Variants in PAK5 observed in about 807,000 individuals in gnomAD.
PAK5 encodes the protein p21 (RAC1) activated kinase 5, also known as serine/threonine-protein kinase PAK 5.
In PAK5, 16 loss-of-function variants were observed where a neutral mutation model predicts 65.9. The ratio of observed to expected loss-of-function variants is 0.24; its 90% CI spans 0.16 to 0.37. PAK5 has a LOEUF of 0.37. Among genes scored for constraint, PAK5 ranks in the 10% least tolerant of loss-of-function variants. The probability of loss-of-function intolerance (pLI) is 1.00; values close to 1 mark genes in which losing one functional copy is unlikely to be tolerated. For missense variants in PAK5, 785 were observed against 903.9 expected, an observed-to-expected ratio of 0.87 and a Z score of 1.69; for synonymous variants, 371 against 354.9, an observed-to-expected ratio of 1.05 and a Z score of -0.51.
intron 9 of PAK5, among the ~76,000 whole-genome samples, chr20:9,540,596 T>A (rs1217438784): frequency 6.6e-6 from 1 of 152,250 alleles, no homozygotes; most frequent in East Asian, 1.9e-4. Context: ...ATACCACACA[T>A]TATCCATTTG....
At position 9,576,816 on chromosome 20, in the gene PAK5, G is replaced by A. The variant is rs79120455; in HGVS notation, c.990+3329C>T. 3.4e-3 allele frequency among the ~76,000 whole-genome samples: 512 copies of A among 152,272 alleles called. 5 individuals are homozygous for A. Among genetic ancestry groups the A allele is most frequent in the African/African-American group, 0.011 (460 of 41,552 alleles). ...AACCCATTTCCTCATCTGTACAAAGGGGTCAAGAATTCTTGCCTTACAGAT... is the reference window on the plus strand; with the variant it reads ...AACCCATTTCCTCATCTGTACAAAGAGGTCAAGAATTCTTGCCTTACAGAT... On this transcript the variant is annotated intron_variant, in intron 4 of 9. Transcript: ENST00000353224.
At chr20:9,741,469 G>A (rs1226098940) in intron 1 of PAK5, among the ~76,000 whole-genome samples, 2 of 152,104 alleles carry the variant, frequency 1.3e-5, no homozygotes, top group Non-Finnish European at 2.9e-5. Flanking sequence ...TCGGAGGAAT[G>A]AGCTCAATAT....
At chr20:9,759,397 C>T (rs1052847382) in intron 1 of PAK5, among the ~76,000 whole-genome samples, 5 of 152,126 alleles carry the variant, frequency 3.3e-5, no homozygotes, top group Admixed American at 2.0e-4. Flanking sequence ...CAGATGATCA[C>T]GATCATCTTT....
intron 2 of PAK5, among the ~76,000 whole-genome samples, chr20:9,709,919 TTACATAATACAAG>T (rs1321170288): frequency 1.3e-5 from 2 of 152,150 alleles, no homozygotes; most frequent in East Asian, 3.9e-4. Flanking sequence ...TGCACAATGG[TTACATAATACAAG>T]ATGTGAAACC....
chr20:9,669,434 T>G (rs2047463796), intron 2 of PAK5, among the ~76,000 whole-genome samples: 1 of 152,178 alleles, frequency 6.6e-6, no homozygotes, highest in Non-Finnish European at 1.5e-5. Flanking sequence ...CACATATGCC[T>G]TTTCTTCTAT....
intron 9 of PAK5, among the ~76,000 whole-genome samples, chr20:9,539,896 C>T (rs1422889903): frequency 6.6e-6 from 1 of 152,162 alleles, no homozygotes; most frequent in Admixed American, 6.5e-5. Context: ...GTGATAAGAG[C>T]AGCTATTACA....
chr20:9,633,391 A>C (rs1190310258), intron 3 of PAK5, among the ~76,000 whole-genome samples: 1 of 152,194 alleles, frequency 6.6e-6, no homozygotes, highest in East Asian at 1.9e-4. Flanking sequence ...CTAAATAAAT[A>C]AATAAATAAC....
At chr20:9,702,452 AC>A (rs2047951704) in intron 2 of PAK5, among the ~76,000 whole-genome samples, 1 of 152,200 alleles carries the variant, frequency 6.6e-6, no homozygotes, top group Non-Finnish European at 1.5e-5. Flanking sequence ...GGTTTACTGT[AC>A]CGATTGTACA....
At chr20:9,606,060 C>T (rs950745814) in intron 3 of PAK5, among the ~76,000 whole-genome samples, 1 of 152,204 alleles carries the variant, frequency 6.6e-6, no homozygotes, top group Non-Finnish European at 1.5e-5. Flanking sequence ...GCCCAAATTT[C>T]ATGTCAAATA....
intron 4 of PAK5, among the ~76,000 whole-genome samples, chr20:9,574,657 A>G (rs1239844466): frequency 1.3e-5 from 2 of 152,250 alleles, no homozygotes; most frequent in African/African-American, 4.8e-5. Context: ...TTGAATCACA[A>G]GAGCATTCAT....
chr20:9,683,717 T>TTTTTG (rs1054921906), intron 2 of PAK5, among the ~76,000 whole-genome samples: 3 of 152,098 alleles, frequency 2.0e-5, no homozygotes, highest in African/African-American at 4.8e-5. Flanking sequence ...TTGGTACCTT[T>TTTTTG]TTTTGTTTTG....
intron 3 of PAK5, among the ~76,000 whole-genome samples, chr20:9,603,395 C>A (rs914892051): frequency 3.3e-5 from 5 of 152,204 alleles, no homozygotes; most frequent in African/African-American, 1.2e-4. Context: ...TGAATCCCTT[C>A]CATTCATTCC....
chr20:9,777,091 C>T (rs2048894832), intron 1 of PAK5, among the ~76,000 whole-genome samples: 1 of 152,178 alleles, frequency 6.6e-6, no homozygotes, highest in African/African-American at 2.4e-5. Flanking sequence ...GCTACCGTGT[C>T]TCATCCCTGT....
chr20:9,770,255 G>A (rs1479219930), intron 1 of PAK5, among the ~76,000 whole-genome samples: 1 of 152,196 alleles, frequency 6.6e-6, no homozygotes, highest in African/African-American at 2.4e-5. Flanking sequence ...CATGAGCGCA[G>A]ATGAGTGCAG....
At chr20:9,624,643 C>G (rs2046818028) in intron 3 of PAK5, among the ~76,000 whole-genome samples, 1 of 151,964 alleles carries the variant, frequency 6.6e-6, no homozygotes, top group African/African-American at 2.4e-5. Flanking sequence ...ATCTCAAACA[C>G]AGCTCTGTGC....
chr20:9,808,624 AAG>A (rs1384203721), intron 1 of PAK5, among the ~76,000 whole-genome samples: 1 of 152,196 alleles, frequency 6.6e-6, no homozygotes, highest in African/African-American at 2.4e-5. Context: ...AGCGATCGCA[AAG>A]GAATAAGTAC....
At chr20:9,806,493 C>T (rs1600394821) in intron 1 of PAK5, among the ~76,000 whole-genome samples, 1 of 152,106 alleles carries the variant, frequency 6.6e-6, no homozygotes, top group Non-Finnish European at 1.5e-5. Flanking sequence ...ACGTAAAGAC[C>T]CTACCTCCTA....
intron 7 of PAK5, among the ~76,000 whole-genome samples, chr20:9,555,601 C>T (rs1344052446): frequency 6.6e-6 from 1 of 152,136 alleles, no homozygotes; most frequent in Non-Finnish European, 1.5e-5. Context: ...GATTCTTGAC[C>T]TTTTCTCATA....
chr20:9,600,654 T>G (rs1166544641), intron 3 of PAK5, among the ~76,000 whole-genome samples: 1 of 152,236 alleles, frequency 6.6e-6, no homozygotes, highest in Non-Finnish European at 1.5e-5. Context: ...CTGATTTCTC[T>G]GCTGGATAGA....
Sources: allele counts gnomAD v4.1 joint callset (sites outside exome capture counted in the v4.1 genomes callset), GRCh38; gene constraint gnomAD v4.1.1; transcripts MANE v1.5; gene names NCBI Gene and HGNC (gene_info 2026-07-23, HGNC 2026-07-21).